PER3: variants seen among roughly 807,000 people sequenced by gnomAD.
PER3 encodes period circadian protein homolog 3.
Under a neutral mutation model 127.2 loss-of-function variants are expected in PER3, and 107 were observed. That is an observed-to-expected ratio of 0.84 (90% CI 0.72 to 0.99). The LOEUF (loss-of-function observed/expected upper bound fraction) is 0.99. Ranked by LOEUF, PER3 falls within the 50% of genes least tolerant of loss-of-function variation. PER3 has a pLI of 0.00. For missense variants in PER3, 1,560 were observed against 1,525.8 expected (o/e 1.02, Z -0.37); for synonymous variants, 618 against 585.8 (o/e 1.05, Z -0.79).
At chr1:7,793,902 C>T in intron 5 of PER3, 55 bp from the exon 6 acceptor site, 1 of 1,427,978 alleles carries the variant, frequency 7.0e-7, no homozygotes, top group African/African-American at 1.4e-5. Context: ...AACATTGTTT[C>T]ACTGAGAAAG....
At chr1:7,812,498 G>A (rs919907694) in intron 13 of PER3, among the ~76,000 whole-genome samples, 3 of 151,770 alleles carry the variant, frequency 2.0e-5, no homozygotes, top group South Asian at 2.1e-4. Context: ...GGTGGTGGGC[G>A]CCTCTAGTCC....
chr1:7,794,140 CAAG>C, intron 6 of PER3, 132 bp downstream of exon 6: 1 of 759,680 alleles, frequency 1.3e-6, no homozygotes, highest in Non-Finnish European at 2.4e-6. Context: ...GTTATTGCCA[CAAG>C]GAGTTCGTAT....
chr1:7,809,037 T>A (rs2097207911), intron 11 of PER3, 39 bp downstream of exon 11: 1 of 1,019,632 alleles, frequency 9.8e-7, no homozygotes, highest in Non-Finnish European at 1.5e-6. Context: ...TTCCCTGAAT[T>A]GTGTTTTGTT....
chr1:7,844,901 T>C lies in PER3; in HGVS notation c.*2146T>C, dbSNP rs749207123. The C allele has an allele frequency of 6.6e-6, 1 of 152,408 alleles. No individual in the cohort carries two copies. Among genetic ancestry groups the C allele is most frequent in the East Asian group, 1.9e-4 (1 of 5,336 alleles). 9.4% of individuals were successfully genotyped at this position (152,408 alleles called of 1,614,324 possible). A position where few individuals can be genotyped will look rare whatever the true frequency, so the allele number is the denominator to read the frequency against. On this transcript the variant is annotated 3_prime_UTR_variant, in exon 22 of 22. Transcript: ENST00000377532. The stretch of plus-strand genomic sequence containing the variant: ...AAAGTGGTAATAAAAATTTATATTA[T>C]AGGCTTCAATGTTTTCATGAATGTT...
chr1:7,794,331 A>C (rs2097135439), intron 6 of PER3, among the ~76,000 whole-genome samples: 1 of 152,206 alleles, frequency 6.6e-6, no homozygotes, highest in Admixed American at 6.5e-5. Flanking sequence ...CGTTTCTACT[A>C]AAAATACAAA....
chr1:7,792,635 G>A (rs1038748167), intron 5 of PER3, among the ~76,000 whole-genome samples: 4 of 152,102 alleles, frequency 2.6e-5, no homozygotes, highest in Admixed American at 6.5e-5. Context: ...TACCCCCTTC[G>A]ATTCCTTACT....
chr1:7,787,887 T>C, intron 4 of PER3, 158 bp from the exon 5 acceptor site: 1 of 621,814 alleles, frequency 1.6e-6, no homozygotes. Context: ...AAGAAGCATG[T>C]TGGAGAAAAT....
intron 18 of PER3, among the ~76,000 whole-genome samples, chr1:7,829,104 G>T (rs1046910979): frequency 4.6e-5 from 7 of 152,170 alleles, no homozygotes; most frequent in Non-Finnish European, 7.3e-5. Context: ...CGAAGTTGAA[G>T]ATCTGCCAGT....
Position 7,820,653 on chromosome 1 carries a change from CCT to C in PER3, c.1957+16_1957+17del. 1 of 1,583,256 alleles carries C rather than the reference CCT, an allele frequency of 6.3e-7. No homozygotes were observed. Among genetic ancestry groups the C allele is most frequent in the Non-Finnish European group, 8.6e-7 (1 of 1,163,070 alleles). On this transcript the variant is annotated intron_variant, in intron 16 of 21. Transcript: ENST00000377532. Reference sequence around the variant, plus strand: ...CCCCCAGAGACAGGTACCACACTCGCCTCTTACTTTGAAAATATACTCAACTT... The same window carrying C: ...CCCCCAGAGACAGGTACCACACTCGCCTTACTTTGAAAATATACTCAACTT...
intron 11 of PER3, among the ~76,000 whole-genome samples, chr1:7,809,605 G>A (rs1361993201): frequency 1.3e-5 from 2 of 152,058 alleles, no homozygotes; most frequent in Non-Finnish European, 2.9e-5. Flanking sequence ...AAGAACTAGA[G>A]TTTATTTTCC....
At chr1:7,836,121 C>T (rs1255730099) in intron 20 of PER3, among the ~76,000 whole-genome samples, 176 bp downstream of exon 20, 2 of 152,044 alleles carry the variant, frequency 1.3e-5, no homozygotes, top group Non-Finnish European at 2.9e-5. Context: ...CCTCAGCCTC[C>T]CGAGTAGCTG....
chr1:7,829,791 A>T (rs2097320966), intron 18 of PER3, 43 bp from the exon 19 acceptor site: 1 of 1,493,604 alleles, frequency 6.7e-7, no homozygotes, highest in African/African-American at 1.4e-5. Flanking sequence ...GTATTTTGTG[A>T]TAAGAAGATT....
chr1:7,801,284 T>G (rs2097169789), intron 8 of PER3, 93 bp downstream of exon 8: 2 of 752,066 alleles, frequency 2.7e-6, no homozygotes, highest in South Asian at 1.7e-5. Context: ...TTATACATTA[T>G]GTAATTGAAA....
chr1:7,810,799 T>C (rs2097216068), intron 13 of PER3: 2 of 391,812 alleles, frequency 5.1e-6, no homozygotes, highest in East Asian at 7.8e-5. Flanking sequence ...TATTAGAATG[T>C]ATTTGTAACA....
At chr1:7,798,413 A>G (rs2097155312) in intron 6 of PER3, 112 bp from the exon 7 acceptor site, 2 of 764,646 alleles carry the variant, frequency 2.6e-6, no homozygotes, top group East Asian at 5.1e-5. Context: ...AACATTTTAG[A>G]TGTGGGTATG....
chr1:7,800,216 A>AT (rs35599508), intron 7 of PER3, among the ~76,000 whole-genome samples: 46,361 of 146,178 alleles, frequency 0.32, 7,753 homozygotes, highest in Middle Eastern at 0.44. Flanking sequence ...CAATCACTTC[A>AT]TTTTTTTTTT....
Position 7,798,551 on chromosome 1 carries a change from A to G in PER3, c.671A>G (p.Lys224Arg). The G allele has an allele frequency of 6.2e-7, 1 of 1,613,788 alleles. No individual in the cohort carries two copies. Among genetic ancestry groups the G allele is most frequent in the Non-Finnish European group, 8.5e-7 (1 of 1,179,682 alleles). Residue 224 changes from lysine to arginine, a missense_variant, in exon 7 of 22, where the codon AAG (lysine) becomes AGG (arginine). Around this residue, in one of 3 missense-constraint regions of PER3, gnomAD observed 1,332 missense variants for 1,223.6 expected, o/e 1.09. Transcript: ENST00000377532. ...GGAGGTGAAGACAGAAAGCAAGAGA[A>G]GTGTCACTCCCCATTCCGGATCATC... ...IRGGEDRKQE[K>R]CHSPFRIIPY...
At chr1:7,836,744 C>T (rs1367353960) in intron 20 of PER3, 9 of 297,280 alleles carry the variant, frequency 3.0e-5, no homozygotes, top group East Asian at 1.1e-4. Flanking sequence ...ATTTTTTTGC[C>T]CCTTCTAAAA....
chr1:7,801,147 C>T lies in PER3; in HGVS notation c.828C>T (p.Thr276=), dbSNP rs757839446. ...PRIPVNKRIF[T]TTHTPGCVFL... ...TCCCAGTGAATAAAAGAATCTTCAC[C>T]ACCACACACACCCCAGGGTGTGTTT... is the stretch of plus-strand genomic sequence containing the variant. The change falls in exon 8 of 22, where the codon ACC becomes ACT. Residue 276 remains threonine, a synonymous_variant. Coordinates refer to ENST00000377532, the MANE Select transcript of PER3 (RefSeq NM_001377275.1). The T allele has an allele frequency of 6.8e-6, 11 of 1,608,356 alleles. No homozygotes were observed. Among genetic ancestry groups the T allele is most frequent in the Middle Eastern group, 1.6e-4 (1 of 6,068 alleles).
Sources: allele counts gnomAD v4.1 joint callset (sites outside exome capture counted in the v4.1 genomes callset), GRCh38; gene constraint gnomAD v4.1.1; regional missense constraint gnomAD v4.1.1; transcripts MANE v1.5; gene names NCBI Gene and HGNC (gene_info 2026-07-23, HGNC 2026-07-21).